The following DPP10 variants were observed in gnomAD, a reference collection of about 807,000 sequenced individuals.
DPP10 encodes the protein inactive dipeptidyl peptidase 10.
DPP10 carries 33 observed loss-of-function variants against 120.9 expected under a neutral mutation model. That is an observed-to-expected ratio of 0.27 (90% CI 0.21 to 0.37). The LOEUF (loss-of-function observed/expected upper bound fraction) is 0.37, where lower values mean the gene tolerates loss of function less well. DPP10 is among the 10% of genes least tolerant of loss of function. The pLI is 1.00. For missense variants in DPP10, 816 were observed against 942.8 expected (o/e 0.87, Z 1.76); for synonymous variants, 337 against 326.1 (o/e 1.03, Z -0.36).
chr2:115,662,509 C>G (rs867321161), intron 5 of DPP10, among the ~76,000 whole-genome samples: 1 of 151,196 alleles, frequency 6.6e-6, no homozygotes, highest in Non-Finnish European at 1.5e-5. Flanking sequence ...AAGAAACATA[C>G]AAATAGCAAA....
intron 5 of DPP10, among the ~76,000 whole-genome samples, chr2:115,607,060 A>G: frequency 6.6e-6 from 1 of 152,114 alleles, no homozygotes; most frequent in East Asian, 1.9e-4. Context: ...AGGAAGAAAA[A>G]CCAAATACTC....
At chr2:115,020,169 G>A (rs7577366) in intron 1 of DPP10, among the ~76,000 whole-genome samples, 148,756 of 152,318 alleles carry the variant, frequency 0.98, 72,744 homozygotes, top group Middle Eastern at 1. Flanking sequence ...CTCAATACTA[G>A]CATTGAATGT....
rs182969593 is a variant in DPP10, at chr2:115,086,657, C to T, written c.61-222582C>T. On this transcript the variant is annotated intron_variant, in intron 1 of 25. Transcript: ENST00000410059. ...ATTTTTAGTAGAGACAGGGTTTCAC[C>T]GTGTTATCCAGGAAGGTCTCGATCT... Among the ~76,000 whole-genome samples, 39 of 152,174 alleles carry T rather than the reference C, an allele frequency of 2.6e-4. No homozygotes were observed. In the East Asian group the frequency reaches 5.0e-3, roughly 20 times the overall value.
chr2:114,842,215 T>C (rs1688211912), intron 1 of DPP10, among the ~76,000 whole-genome samples: 1 of 152,090 alleles, frequency 6.6e-6, no homozygotes, highest in African/African-American at 2.4e-5. Context: ...GGGTTAGTTT[T>C]GACAACAATT....
chr2:114,996,941 C>T (rs2104970749), intron 1 of DPP10, among the ~76,000 whole-genome samples: 1 of 142,394 alleles, frequency 7.0e-6, no homozygotes, highest in South Asian at 2.2e-4. Flanking sequence ...GAGATCGTGC[C>T]ACTGCGTTCT....
At chr2:115,771,975 G>T (rs1302338385) in intron 13 of DPP10, among the ~76,000 whole-genome samples, 1 of 151,242 alleles carries the variant, frequency 6.6e-6, no homozygotes, top group Non-Finnish European at 1.5e-5. Context: ...GAGTGATGGC[G>T]GTCACTACAT....
intron 3 of DPP10, among the ~76,000 whole-genome samples, chr2:115,489,372 AG>A: frequency 6.6e-6 from 1 of 152,046 alleles, no homozygotes; most frequent in East Asian, 1.9e-4. Flanking sequence ...CTTGGCCAAG[AG>A]GACCCCAGAA....
At chr2:114,450,645 A>G (rs1163159473) in intron 1 of DPP10, among the ~76,000 whole-genome samples, 11 of 152,100 alleles carry the variant, frequency 7.2e-5, no homozygotes, top group Admixed American at 2.0e-4. Flanking sequence ...TATGCAAACA[A>G]CATTTGAAGG....
At chr2:115,489,032 G>A (rs1210935818) in intron 3 of DPP10, among the ~76,000 whole-genome samples, 2 of 152,014 alleles carry the variant, frequency 1.3e-5, no homozygotes, top group African/African-American at 2.4e-5. Flanking sequence ...GGTGATTAAC[G>A]TTTAAAATAT....
intron 5 of DPP10, among the ~76,000 whole-genome samples, chr2:115,648,429 A>G (rs954991768): frequency 6.6e-6 from 1 of 152,074 alleles, no homozygotes; most frequent in Non-Finnish European, 1.5e-5. Flanking sequence ...AGTGTTCTCA[A>G]CACAAAAATA....
At chr2:114,454,454 C>G (rs1678454097) in intron 1 of DPP10, among the ~76,000 whole-genome samples, 1 of 152,138 alleles carries the variant, frequency 6.6e-6, no homozygotes, top group Non-Finnish European at 1.5e-5. Flanking sequence ...TTCAGATAAG[C>G]TTACTACAAA....
intron 1 of DPP10, among the ~76,000 whole-genome samples, chr2:114,478,110 C>G (rs1047694079): frequency 6.6e-6 from 1 of 151,746 alleles, no homozygotes; most frequent in South Asian, 2.1e-4. Flanking sequence ...ACCCTGAAAA[C>G]AAAACCACAC....
At chr2:114,953,929 G>T (rs1457886108) in intron 1 of DPP10, among the ~76,000 whole-genome samples, 2 of 151,948 alleles carry the variant, frequency 1.3e-5, no homozygotes, top group Admixed American at 1.3e-4. Context: ...TTGGTGAAAA[G>T]TTATGCTACA....
intron 7 of DPP10, among the ~76,000 whole-genome samples, chr2:115,715,039 A>G (rs2092445139): frequency 6.6e-6 from 1 of 150,450 alleles, no homozygotes; most frequent in African/African-American, 2.4e-5. Flanking sequence ...AAAAAAAAAA[A>G]AAAAAAAAAA....
intron 5 of DPP10, among the ~76,000 whole-genome samples, chr2:115,646,863 G>A (rs936274817): frequency 1.4e-5 from 2 of 145,970 alleles, no homozygotes; most frequent in African/African-American, 2.5e-5. Context: ...ACTCTCTAAC[G>A]CTGTTTATTT....
At chr2:114,799,352 T>C (rs1007964435) in intron 1 of DPP10, among the ~76,000 whole-genome samples, 22 of 152,158 alleles carry the variant, frequency 1.4e-4, no homozygotes, top group African/African-American at 4.8e-4. Flanking sequence ...ACAGAATTAG[T>C]AGGGCTGCCT....
intron 1 of DPP10, among the ~76,000 whole-genome samples, chr2:115,183,291 T>A (rs1242790986): frequency 6.6e-6 from 1 of 152,042 alleles, no homozygotes; most frequent in Non-Finnish European, 1.5e-5. Flanking sequence ...AAAAAAAAAA[T>A]GTCATTCTTC....
At chr2:114,523,588 A>G (rs1685252272) in intron 1 of DPP10, among the ~76,000 whole-genome samples, 1 of 152,166 alleles carries the variant, frequency 6.6e-6, no homozygotes, top group African/African-American at 2.4e-5. Context: ...TTTCACTGAG[A>G]GAAGGAAAGA....
chr2:115,179,248 G>A (rs1224057891), intron 1 of DPP10, among the ~76,000 whole-genome samples: 1 of 152,070 alleles, frequency 6.6e-6, no homozygotes, highest in African/African-American at 2.4e-5. Flanking sequence ...ATGTAGAATT[G>A]AACAAATTCC....
Sources: gnomAD v4.1 joint callset for allele counts (sites outside exome capture counted in the v4.1 genomes callset) on GRCh38, gnomAD v4.1.1 for gene constraint, MANE v1.5 for transcripts, NCBI Gene and HGNC (gene_info 2026-07-23, HGNC 2026-07-21) for gene names.